PLD1: variants seen among roughly 807,000 people sequenced by gnomAD.
The protein encoded by PLD1 is phospholipase D1.
In PLD1, 112 loss-of-function variants were observed where a neutral mutation model predicts 137.1. That is an observed-to-expected ratio of 0.82 (90% CI 0.70 to 0.96). PLD1 has a LOEUF of 0.96. PLD1 is among the 40% of genes least tolerant of loss of function. The pLI is 0.00. For missense variants in PLD1, 1,321 were observed against 1,342.0 expected (o/e 0.98, Z 0.24); for synonymous variants, 431 against 454.7 (o/e 0.95, Z 0.66).
At chr3:171,772,229 C>T (rs371438812) in intron 1 of PLD1, among the ~76,000 whole-genome samples, 7 of 152,274 alleles carry the variant, frequency 4.6e-5, no homozygotes, top group Admixed American at 4.6e-4. Flanking sequence ...ATTCTAATGG[C>T]TTGTTGCCAT....
At chr3:171,789,534 A>G (rs1005132791) in intron 1 of PLD1, 1 of 152,242 alleles carries the variant, frequency 6.6e-6, no homozygotes, top group Non-Finnish European at 1.5e-5. Flanking sequence ...GAGTGGGAAT[A>G]TCTGTATACA....
intron 24 of PLD1, among the ~76,000 whole-genome samples, chr3:171,614,798 G>T (rs1274825699): frequency 6.6e-6 from 1 of 152,212 alleles, no homozygotes; most frequent in Non-Finnish European, 1.5e-5. Context: ...GAGAACCTGG[G>T]ATGTGAGCCA....
Position 171,737,782 on chromosome 3 carries a change from G to A in PLD1, c.160+110C>T, listed in dbSNP as rs947616458. The stretch of plus-strand genomic sequence containing the variant: ...CCTCTTATAAAATGATCTGAGCCCG[G>A]TGTTACATCTGCAAGGAAAATCAAT... On this transcript the variant is annotated intron_variant, in intron 2 of 26. Transcript: ENST00000351298. 153 of 1,349,608 alleles carry A rather than the reference G, an allele frequency of 1.1e-4. No homozygotes were observed. In the Middle Eastern group the frequency reaches 1.3e-3, roughly 11 times the overall value. 83.6% of individuals were successfully genotyped at this position (1,349,608 alleles called of 1,614,324 possible).
chr3:171,782,794 T>A (rs1221773388), intron 1 of PLD1, among the ~76,000 whole-genome samples: 1 of 152,038 alleles, frequency 6.6e-6, no homozygotes, highest in Non-Finnish European at 1.5e-5. Context: ...GATGAAGAAT[T>A]AAGAGGAGGT....
intron 1 of PLD1, among the ~76,000 whole-genome samples, chr3:171,747,318 T>G (rs1332898040): frequency 6.6e-6 from 1 of 152,186 alleles, no homozygotes; most frequent in East Asian, 1.9e-4. Flanking sequence ...CCCCTCTCCT[T>G]TTGGCCTTGG....
At chr3:171,803,017 C>T (rs1723705397) in intron 1 of PLD1, among the ~76,000 whole-genome samples, 1 of 152,194 alleles carries the variant, frequency 6.6e-6, no homozygotes, top group South Asian at 2.1e-4. Flanking sequence ...CCTCAAGAAT[C>T]TAAATTTATT....
intron 1 of PLD1, among the ~76,000 whole-genome samples, chr3:171,747,323 C>T (rs559592599): frequency 2.4e-4 from 37 of 152,302 alleles, no homozygotes; most frequent in African/African-American, 8.2e-4. Context: ...CTCCTTTTGG[C>T]CTTGGCTGTG....
In PLD1 at chr3:171,659,287, T is replaced by C. The variant is rs1232911435; in HGVS notation, c.2355A>G (p.Ile785Met). 1.4e-5 allele frequency: 23 copies of C among 1,608,322 alleles called. No homozygotes were observed. Among genetic ancestry groups the C allele is most frequent in the Non-Finnish European group, 1.9e-5 (22 of 1,174,656 alleles). Residue 785 changes from isoleucine (I) to methionine (M), a missense_variant, in exon 21 of 27, where the codon ATA (isoleucine) becomes ATG (methionine). Transcript: ENST00000351298. ...ACACAACTTTGTCATCAGCACAGCTTATGAAAAACTGGTTCTATGAGAAAT... is the reference window on the plus strand; with the variant it reads ...ACACAACTTTGTCATCAGCACAGCTCATGAAAAACTGGTTCTATGAGAAAT... ...HYIYIENQFF[I>M]SCADDKVVFN...
intron 21 of PLD1, among the ~76,000 whole-genome samples, chr3:171,648,041 C>T (rs541157626): frequency 6.6e-6 from 1 of 152,216 alleles, no homozygotes; most frequent in Admixed American, 6.5e-5. Flanking sequence ...TTGTAGCATG[C>T]GTCAGAATTC....
chr3:171,793,332 A>T (rs1165644483), intron 1 of PLD1: 1 of 152,218 alleles, frequency 6.6e-6, no homozygotes, highest in East Asian at 1.9e-4. Context: ...AAATTAAAAT[A>T]TTAAAAATTG....
intron 1 of PLD1, among the ~76,000 whole-genome samples, chr3:171,777,974 C>T (rs1722647520): frequency 6.6e-6 from 1 of 152,188 alleles, no homozygotes. Flanking sequence ...TCAGTAACTA[C>T]ATATTACAAG....
chr3:171,626,437 T>C (rs1449151963), intron 23 of PLD1, among the ~76,000 whole-genome samples: 1 of 152,180 alleles, frequency 6.6e-6, no homozygotes, highest in Admixed American at 6.5e-5. Context: ...TGCAGGATAT[T>C]ATCCAGGAGA....
rs574178797 is a variant in PLD1, at chr3:171,667,586, T to G, written c.2230-5416A>C. ...AGCAAAAGGAGAGTTAGGGATGGATTTGGGGCTGTGGCAACAGAAGGTGAT... is the reference window on the plus strand; with the variant it reads ...AGCAAAAGGAGAGTTAGGGATGGATGTGGGGCTGTGGCAACAGAAGGTGAT... On this transcript the variant is annotated intron_variant, in intron 19 of 26. Coordinates refer to ENST00000351298, the MANE Select transcript of PLD1 (RefSeq NM_002662.5). Among the ~76,000 whole-genome samples the G allele has an allele frequency of 9.8e-5, 15 of 152,288 alleles. No homozygotes were observed. In the South Asian group the frequency reaches 3.1e-3, roughly 32 times the overall value.
At chr3:171,661,977 C>T in intron 20 of PLD1, 83 bp downstream of exon 20, 1 of 713,700 alleles carries the variant, frequency 1.4e-6, no homozygotes, top group Non-Finnish European at 2.5e-6. Context: ...TATGAGGGGT[C>T]CTAAGTTTGG....
chr3:171,725,447 C>G (rs754082222), intron 7 of PLD1, among the ~76,000 whole-genome samples: 13 of 152,184 alleles, frequency 8.5e-5, no homozygotes, highest in Non-Finnish European at 1.8e-4. Flanking sequence ...AACAGTATAT[C>G]TTAATTCTGA....
chr3:171,618,799 G>A (rs930601147), intron 24 of PLD1, among the ~76,000 whole-genome samples: 10 of 142,282 alleles, frequency 7.0e-5, no homozygotes, highest in South Asian at 2.2e-4. Context: ...GGCTATAGAC[G>A]AGGAGATAAA....
chr3:171,607,898 G>A (rs1291659452), intron 25 of PLD1, among the ~76,000 whole-genome samples: 1 of 152,144 alleles, frequency 6.6e-6, no homozygotes, highest in African/African-American at 2.4e-5. Context: ...ATTGAAATAA[G>A]TCTCTCTATT....
chr3:171,646,675 C>CAAAAAAAAAAAAAA (rs77696811), intron 21 of PLD1, among the ~76,000 whole-genome samples: 4 of 89,482 alleles, frequency 4.5e-5, no homozygotes, highest in African/African-American at 7.1e-5. Context: ...AAAGAACAGA[C>CAAAAAAAAAAAAAA]AAAAAAAAAA....
rs139336383 is a variant in PLD1, at chr3:171,676,651, C to T, written c.2115+64G>A. On this transcript the variant is annotated intron_variant, in intron 18 of 26. Transcript: ENST00000351298. The stretch of plus-strand genomic sequence containing the variant: ...CTTCTTGCTACCAGCCTCCTCTAAA[C>T]CTCTTCTCTAGTTAGGCCTGCCTCT... The T allele has an allele frequency of 9.6e-4, 1,208 of 1,254,638 alleles. 9 individuals carry two copies. The African/African-American group carries it at 0.016, about 17-fold the overall frequency. 77.7% of individuals were successfully genotyped at this position (1,254,638 alleles called of 1,614,324 possible).
Sources: allele counts gnomAD v4.1 joint callset (sites outside exome capture counted in the v4.1 genomes callset), GRCh38; gene constraint gnomAD v4.1.1; transcripts MANE v1.5; gene names NCBI Gene and HGNC (gene_info 2026-07-23, HGNC 2026-07-21).